The following FAP variants were observed in gnomAD, a reference collection of about 807,000 sequenced individuals.
The protein encoded by FAP is prolyl endopeptidase FAP.
In FAP, 110 loss-of-function variants were observed where a neutral mutation model predicts 126.5. The ratio of observed to expected loss-of-function variants is 0.87; its 90% confidence interval spans 0.74 to 1.02. The LOEUF is 1.02. Ranked by LOEUF, FAP falls within the 50% of genes least tolerant of loss-of-function variation. The pLI is 0.00. For missense variants in FAP, 919 were observed against 909.2 expected, an observed-to-expected ratio of 1.01 and a Z score of -0.14; for synonymous variants, 334 against 297.3, an observed-to-expected ratio of 1.12 and a Z score of -1.27.
intron 16 of FAP, among the ~76,000 whole-genome samples, chr2:162,197,083 G>A (rs1023770680): frequency 3.8e-4 from 58 of 152,204 alleles, no homozygotes; most frequent in African/African-American, 1.4e-3. Flanking sequence ...TTATACAAAT[G>A]CAGAATGCAT....
intron 12 of FAP, 92 bp from the exon 13 acceptor site, chr2:162,203,237 AG>A (rs1268807995): frequency 1.7e-5 from 12 of 716,606 alleles, no homozygotes; most frequent in African/African-American, 5.4e-5. Flanking sequence ...GTATGGTCAT[AG>A]TTATAGGAAT....
rs1006835169 is a variant in FAP, at chr2:162,173,144, C to T, written c.2107+5G>A. The stretch of plus-strand genomic sequence containing the variant: ...TTATGTGTAAGAGTCTTGCTTAAAC[C>T]TCACCATCTGCTGTTCCGTGGATGA... On this transcript the variant is annotated splice_donor_5th_base_variant and intron_variant, in intron 24 of 25. Coordinates refer to ENST00000188790, the MANE Select transcript of FAP (RefSeq NM_004460.5). 1.2e-6 allele frequency: 2 copies of T among 1,611,248 alleles called. No individual in the cohort carries two copies. The highest frequency in any genetic ancestry group is 1.7e-6 in the Non-Finnish European group (2 of 1,177,626).
chr2:162,222,985 A>G (rs1689475325), intron 6 of FAP, among the ~76,000 whole-genome samples: 1 of 152,122 alleles, frequency 6.6e-6, no homozygotes, highest in Non-Finnish European at 1.5e-5. Flanking sequence ...CTATCTGCAC[A>G]TTCATTTAAT....
chr2:162,226,584 T>C lies in FAP; in HGVS notation c.129A>G (p.Thr43=), dbSNP rs1689660530. The C allele has an allele frequency of 1.3e-6, 2 of 1,598,816 alleles. No individual in the cohort carries two copies. Among genetic ancestry groups the C allele is most frequent in the South Asian group, 1.1e-5 (1 of 87,532 alleles). The change falls in exon 3 of 26, where the codon ACA becomes ACG. Residue 43 remains threonine, a synonymous_variant. Transcript: ENST00000188790. ...ATGTTCCATTTAAAATATCCTTCAG[T>C]GTGAGTGCTCTCATTGTATTTTCTT... ...NSEENTMRAL[T]LKDILNGTFS... is the part of the protein sequence containing the mutation.
At chr2:162,195,892 T>C (rs1328251755) in intron 16 of FAP, among the ~76,000 whole-genome samples, 1 of 152,114 alleles carries the variant, frequency 6.6e-6, no homozygotes, top group Non-Finnish European at 1.5e-5. Context: ...GATGCTACCT[T>C]CTATGTGGAG....
chr2:162,189,577 A>T (rs772791690), intron 18 of FAP, 79 bp downstream of exon 18: 101 of 752,322 alleles, frequency 1.3e-4, no homozygotes, highest in Non-Finnish European at 2.1e-4. Flanking sequence ...GCACTGTAAC[A>T]TTCACTCTAT....
chr2:162,225,700 G>GTA, intron 3 of FAP, 123 bp from the exon 4 acceptor site: 1 of 921,372 alleles, frequency 1.1e-6, no homozygotes, highest in Non-Finnish European at 1.5e-6. Context: ...AGTACATATT[G>GTA]CTTTGTGATA....
intron 16 of FAP, among the ~76,000 whole-genome samples, chr2:162,197,028 C>T (rs902617843): frequency 2.6e-5 from 4 of 152,110 alleles, no homozygotes; most frequent in South Asian, 2.1e-4. Flanking sequence ...AGGAAGACAA[C>T]GTAATACAAA....
In FAP at chr2:162,202,899, T is replaced by A; in HGVS notation, c.1196A>T (p.Asn399Ile). The A allele has an allele frequency of 3.1e-6, 5 of 1,613,770 alleles. No homozygotes were observed. Among genetic ancestry groups the A allele is most frequent in the Non-Finnish European group, 4.2e-6 (5 of 1,179,680 alleles). The part of the protein sequence containing the change: ...QITSGKWEAI[N>I]IFRVTQDSLF... ...TGAATCCTGTGTTACTCTGAATATA[T>A]TTATGGCCTCCCACTTGCCACTTGT... Residue 399 changes from asparagine to isoleucine, a missense_variant, in exon 14 of 26, where the codon AAT becomes ATT. Asn to Ile is a moderately radical substitution (Grantham distance 149). Transcript: ENST00000188790.
intron 21 of FAP, chr2:162,176,220 C>T (rs1246732247): frequency 6.6e-6 from 1 of 152,014 alleles, no homozygotes. Context: ...TGGCAGAGGT[C>T]TATTTTTAAT....
At chr2:162,198,053 G>A (rs769426383) in intron 16 of FAP, 8 of 708,212 alleles carry the variant, frequency 1.1e-5, no homozygotes, top group Non-Finnish European at 1.6e-5. Flanking sequence ...ATAGATAAAA[G>A]GTTGCACATA....
intron 17 of FAP, among the ~76,000 whole-genome samples, chr2:162,191,459 T>C (rs1688037218): frequency 2.0e-5 from 3 of 152,142 alleles, no homozygotes; most frequent in Admixed American, 6.6e-5. Context: ...TAAAAACCCA[T>C]AACCTAGCAA....
chr2:162,179,510 C>T (rs1034394016), intron 21 of FAP, among the ~76,000 whole-genome samples: 2 of 152,042 alleles, frequency 1.3e-5, no homozygotes, highest in African/African-American at 4.8e-5. Context: ...GAGACACAGT[C>T]CATTCCTTTG....
intron 10 of FAP, among the ~76,000 whole-genome samples, 177 bp downstream of exon 10, chr2:162,215,721 G>C (rs115454954): frequency 1.3e-5 from 2 of 152,294 alleles, no homozygotes; most frequent in Non-Finnish European, 2.9e-5. Context: ...GTTTATATGT[G>C]TAAAAGGGCT....
chr2:162,223,546 T>C, intron 6 of FAP, 62 bp downstream of exon 6: 1 of 1,073,008 alleles, frequency 9.3e-7, no homozygotes, highest in Non-Finnish European at 1.4e-6. Context: ...CAAATCATAG[T>C]TTGGAATGAA....
At chr2:162,202,160 A>G (rs1688524193) in intron 14 of FAP, among the ~76,000 whole-genome samples, 1 of 152,260 alleles carries the variant, frequency 6.6e-6, no homozygotes, top group African/African-American at 2.4e-5. Context: ...GAAATTATAG[A>G]AAGAAAGTAT....
At chr2:162,214,257 A>G (rs1689079123) in intron 10 of FAP, among the ~76,000 whole-genome samples, 184 bp from the exon 11 acceptor site, 1 of 152,194 alleles carries the variant, frequency 6.6e-6, no homozygotes, top group South Asian at 2.1e-4. Context: ...ACTTAAAAAA[A>G]TATCTATGAG....
At chr2:162,219,829 C>T (rs1319209517) in intron 7 of FAP, 24 bp downstream of exon 7, 4 of 1,524,744 alleles carry the variant, frequency 2.6e-6, no homozygotes, top group Non-Finnish European at 3.6e-6. Flanking sequence ...CATGATTAAA[C>T]ACTTCAAAAA....
At chr2:162,235,218 C>T (rs191846686) in intron 2 of FAP, among the ~76,000 whole-genome samples, 6 of 151,900 alleles carry the variant, frequency 3.9e-5, no homozygotes, top group South Asian at 2.1e-4. Context: ...GGCTCCTGCA[C>T]GGCCTGAGCC....
Sources: gnomAD v4.1 joint callset for allele counts (sites outside exome capture counted in the v4.1 genomes callset) on GRCh38, gnomAD v4.1.1 for gene constraint, MANE v1.5 for transcripts, NCBI Gene and HGNC (gene_info 2026-07-23, HGNC 2026-07-21) for gene names.